The following PPARGC1A variants were observed in gnomAD, a reference collection of about 807,000 sequenced individuals.
The protein encoded by PPARGC1A is PPARG coactivator 1 alpha.
In PPARGC1A, 25 loss-of-function variants were observed where a neutral mutation model predicts 88.7. The ratio of observed to expected loss-of-function variants is 0.28; its 90% CI spans 0.21 to 0.39. The LOEUF is 0.39. PPARGC1A is among the 10% of genes least tolerant of loss of function. The pLI, the probability that PPARGC1A is intolerant of heterozygous loss-of-function variation, is 1.00. For synonymous variants in PPARGC1A, 363 were observed against 355.6 expected (o/e 1.02, Z -0.24); for missense variants, 880 against 968.7 (o/e 0.91, Z 1.22).
chr4:24,272,802 T>C, the PPARGC1A span, among the ~76,000 whole-genome samples: 7 of 152,200 alleles, frequency 4.6e-5, no homozygotes, highest in Non-Finnish European at 1.0e-4. Context: ...ACATTTCCAC[T>C]GGTGCAATAA....
the PPARGC1A span, among the ~76,000 whole-genome samples, chr4:24,261,502 G>A: frequency 6.6e-6 from 1 of 152,144 alleles, no homozygotes; most frequent in Non-Finnish European, 1.5e-5. Context: ...TCCCCTGCAG[G>A]CAGACTACCT....
At chr4:24,216,677 T>G in the PPARGC1A span, among the ~76,000 whole-genome samples, 1 of 152,148 alleles carries the variant, frequency 6.6e-6, no homozygotes, top group Non-Finnish European at 1.5e-5. Context: ...CTTATTTAAA[T>G]ATTTGAGGTG....
At chr4:23,999,879 C>A in the PPARGC1A span, among the ~76,000 whole-genome samples, 1 of 151,420 alleles carries the variant, frequency 6.6e-6, no homozygotes, top group African/African-American at 2.4e-5. Flanking sequence ...AACGTGTAGA[C>A]CTCAGCTGCC....
At chr4:23,879,557 A>T (rs913376362) in intron 2 of PPARGC1A, among the ~76,000 whole-genome samples, 1 of 152,120 alleles carries the variant, frequency 6.6e-6, no homozygotes, top group African/African-American at 2.4e-5. Flanking sequence ...CTCTATCCGA[A>T]CTCAGAGTTA....
the PPARGC1A span, among the ~76,000 whole-genome samples, chr4:24,385,667 A>G: frequency 6.6e-6 from 1 of 152,168 alleles, no homozygotes; most frequent in African/African-American, 2.4e-5. Context: ...TCTGGGACAC[A>G]TACACCCTCG....
chr4:23,925,760 G>A, the PPARGC1A span, among the ~76,000 whole-genome samples: 7 of 152,068 alleles, frequency 4.6e-5, no homozygotes, highest in South Asian at 2.1e-4. Flanking sequence ...GTATACTTTC[G>A]TTTTAGTCTA....
the PPARGC1A span, among the ~76,000 whole-genome samples, chr4:24,156,714 T>C: frequency 6.6e-6 from 1 of 151,854 alleles, no homozygotes; most frequent in Admixed American, 6.6e-5. Flanking sequence ...GCCTCTTGGC[T>C]GTTGCGGTCT....
At chr4:23,984,973 C>T in the PPARGC1A span, among the ~76,000 whole-genome samples, 1 of 152,040 alleles carries the variant, frequency 6.6e-6, no homozygotes, top group Non-Finnish European at 1.5e-5. Flanking sequence ...ACCCACTATA[C>T]GCAATGCCAT....
the PPARGC1A span, among the ~76,000 whole-genome samples, chr4:24,053,686 G>A: frequency 6.6e-6 from 1 of 152,178 alleles, no homozygotes; most frequent in African/African-American, 2.4e-5. Context: ...CACGATGCAA[G>A]ATACTTCACC....
the PPARGC1A span, among the ~76,000 whole-genome samples, chr4:24,194,299 G>A: frequency 2.6e-5 from 4 of 151,966 alleles, no homozygotes. Context: ...CATTTTTTTG[G>A]TTAATCCAAT....
chr4:24,304,861 G>A, the PPARGC1A span, among the ~76,000 whole-genome samples: 28 of 152,194 alleles, frequency 1.8e-4, no homozygotes, highest in East Asian at 4.8e-3. Context: ...AAAGTCATGG[G>A]TTATCGGCTT....
the PPARGC1A span, among the ~76,000 whole-genome samples, chr4:24,110,243 GGAGATAACCCAAA>G: frequency 6.6e-6 from 1 of 152,170 alleles, no homozygotes; most frequent in South Asian, 2.1e-4. Context: ...CATTGTGTAT[GGAGATAACCCAAA>G]TGTAGTTTAA....
At chr4:23,951,897 AATGAAAGCTCATG>A in the PPARGC1A span, among the ~76,000 whole-genome samples, 1 of 152,116 alleles carries the variant, frequency 6.6e-6, no homozygotes, top group African/African-American at 2.4e-5. Flanking sequence ...AACAGTTATT[AATGAAAGCTCATG>A]ATGAAAGGTA....
intron 1 of PPARGC1A, among the ~76,000 whole-genome samples, chr4:23,895,755 C>T (rs570627676): frequency 6.6e-6 from 1 of 152,008 alleles, no homozygotes; most frequent in South Asian, 2.1e-4. Context: ...TTCAAAACTT[C>T]TAAAAACCTC....
the PPARGC1A span, among the ~76,000 whole-genome samples, chr4:24,033,870 C>A: frequency 6.6e-6 from 1 of 152,296 alleles, no homozygotes; most frequent in African/African-American, 2.4e-5. Context: ...AACTCCAACT[C>A]ATATTCATTT....
At chr4:23,885,646 A>ATG (rs10657089) in intron 1 of PPARGC1A, among the ~76,000 whole-genome samples, 76,488 of 150,708 alleles carry the variant, frequency 0.51, 22,851 homozygotes, top group Non-Finnish European at 0.71. Context: ...AACTTGCAAG[A>ATG]TGTGTGTGTG....
the PPARGC1A span, among the ~76,000 whole-genome samples, chr4:24,278,304 G>A: frequency 6.6e-6 from 1 of 152,144 alleles, no homozygotes; most frequent in Non-Finnish European, 1.5e-5. Flanking sequence ...AGTTCAAGGG[G>A]TGTTATAAGC....
chr4:23,882,546 A>G (rs1046724685), intron 2 of PPARGC1A: 2 of 152,146 alleles, frequency 1.3e-5, no homozygotes, highest in African/African-American at 4.8e-5. Context: ...CCCAGGGATA[A>G]CAACCAAACA....
chr4:24,051,496 T>G, the PPARGC1A span, among the ~76,000 whole-genome samples: 1 of 152,174 alleles, frequency 6.6e-6, no homozygotes, highest in African/African-American at 2.4e-5. Context: ...GCCCTATGAG[T>G]TAAGTGCTAT....
Sources: allele counts gnomAD v4.1 joint callset (sites outside exome capture counted in the v4.1 genomes callset), GRCh38; gene constraint gnomAD v4.1.1; transcripts MANE v1.5; gene names NCBI Gene and HGNC (gene_info 2026-07-23, HGNC 2026-07-21).